NRCAM: variants seen among roughly 807,000 people sequenced by gnomAD.
The protein encoded by NRCAM is NgCAM-related cell adhesion molecule.
NRCAM carries 83 observed loss-of-function variants against 156.5 expected under a neutral mutation model. That is an observed-to-expected ratio of 0.53 (90% confidence interval 0.44 to 0.64). NRCAM has a LOEUF of 0.64. Among genes scored for constraint, NRCAM ranks in the 30% least tolerant of loss-of-function variants. NRCAM has a pLI of 0.00. For missense variants in NRCAM, 1,417 were observed against 1,597.3 expected (o/e 0.89, Z 1.92); for synonymous variants, 538 against 563.9 (o/e 0.95, Z 0.65).
intron 30 of NRCAM, among the ~76,000 whole-genome samples, chr7:108,163,572 G>C (rs17134752): frequency 0.12 from 18,899 of 152,184 alleles, 1,747 homozygotes; most frequent in African/African-American, 0.27. Flanking sequence ...CAAAAAAGCT[G>C]TTGGGCCTCG....
chr7:108,339,417 AG>A (rs1034034212), intron 2 of NRCAM, among the ~76,000 whole-genome samples: 30 of 152,182 alleles, frequency 2.0e-4, no homozygotes, highest in Admixed American at 3.3e-4. Flanking sequence ...CTGACTCAAA[AG>A]GTTACCTACA....
intron 11 of NRCAM, among the ~76,000 whole-genome samples, chr7:108,217,797 T>C (rs1273830574): frequency 6.6e-6 from 1 of 152,192 alleles, no homozygotes; most frequent in Non-Finnish European, 1.5e-5. Flanking sequence ...CCAGGTCGAC[T>C]TCAGACTGCA....
intron 8 of NRCAM, among the ~76,000 whole-genome samples, chr7:108,229,608 C>T (rs1589217174): frequency 6.6e-6 from 1 of 152,180 alleles, no homozygotes; most frequent in Non-Finnish European, 1.5e-5. Context: ...CCCAGATCCT[C>T]TCATCTAGCC....
At chr7:108,417,044 T>C (rs529487301) in intron 1 of NRCAM, among the ~76,000 whole-genome samples, 1 of 152,244 alleles carries the variant, frequency 6.6e-6, no homozygotes, top group Admixed American at 6.5e-5. Context: ...TGACCATTTA[T>C]TTCAATGTTT....
chr7:108,448,033 G>A (rs370379104), intron 1 of NRCAM, among the ~76,000 whole-genome samples: 1 of 152,116 alleles, frequency 6.6e-6, no homozygotes, highest in Non-Finnish European at 1.5e-5. Flanking sequence ...ATGGTTTTAG[G>A]ACAGCAGTGA....
At chr7:108,398,488 T>C (rs1405422657) in intron 2 of NRCAM, among the ~76,000 whole-genome samples, 4 of 152,200 alleles carry the variant, frequency 2.6e-5, no homozygotes, top group Non-Finnish European at 5.9e-5. Context: ...AAAATGCCAA[T>C]GACTTCCAGC....
At chr7:108,193,058 T>C (rs753545991) in intron 17 of NRCAM, among the ~76,000 whole-genome samples, 5 of 152,222 alleles carry the variant, frequency 3.3e-5, no homozygotes, top group African/African-American at 4.8e-5. Context: ...GGTCTCACTC[T>C]GTCACCCAGG....
chr7:108,318,399 AG>A, intron 2 of NRCAM, among the ~76,000 whole-genome samples: 1 of 152,276 alleles, frequency 6.6e-6, no homozygotes, highest in South Asian at 2.1e-4. Context: ...ATGTGGTCCC[AG>A]GCTACACAAT....
At chr7:108,386,416 G>A (rs1381448826) in intron 2 of NRCAM, among the ~76,000 whole-genome samples, 1 of 152,068 alleles carries the variant, frequency 6.6e-6, no homozygotes, top group Admixed American at 6.6e-5. Context: ...GCAATTAATT[G>A]ATTGGAAATA....
At chr7:108,365,904 G>A (rs929152701) in intron 2 of NRCAM, among the ~76,000 whole-genome samples, 2 of 152,152 alleles carry the variant, frequency 1.3e-5, no homozygotes, top group African/African-American at 2.4e-5. Context: ...GCTGTGGTCT[G>A]AATGCATCTC....
At chr7:108,350,453 T>G (rs2099403813) in intron 2 of NRCAM, among the ~76,000 whole-genome samples, 2 of 152,220 alleles carry the variant, frequency 1.3e-5, no homozygotes, top group Non-Finnish European at 2.9e-5. Flanking sequence ...TGAGTTGATG[T>G]CTCAGTCAAT....
At chr7:108,351,891 C>T (rs1164561681) in intron 2 of NRCAM, among the ~76,000 whole-genome samples, 2 of 152,038 alleles carry the variant, frequency 1.3e-5, no homozygotes, top group Non-Finnish European at 2.9e-5. Flanking sequence ...GTTGTTTGTA[C>T]AGACCCATTA....
chr7:108,215,162 G>A (rs573593818), intron 11 of NRCAM, among the ~76,000 whole-genome samples: 2 of 151,212 alleles, frequency 1.3e-5, no homozygotes, highest in South Asian at 4.2e-4. Context: ...TTAATTTTCT[G>A]TCTCACTGAT....
At chr7:108,203,428 C>A (rs1026704946) in intron 13 of NRCAM, among the ~76,000 whole-genome samples, 1 of 137,386 alleles carries the variant, frequency 7.3e-6, no homozygotes, top group Non-Finnish European at 1.5e-5. Flanking sequence ...AGCCCAGACA[C>A]TTTTGGAGTT....
Position 108,223,738 on chromosome 7 carries a change from T to C in NRCAM, c.877A>G (p.Ile293Val), listed in dbSNP as rs202128510. Residue 293 changes from isoleucine (I) to valine (V), a missense_variant, in exon 11 of 33, where the codon ATT becomes GTT. By Grantham distance (29) the Ile-to-Val change is conservative. Coordinates refer to ENST00000379028, the MANE Select transcript of NRCAM (RefSeq NM_001037132.4). ...GTGTTAACTCACAGTCCTTCTGCAA[T>C]GCACTCCAGTGAAAGCACATTTCCT... The part of the protein sequence containing the change: ...LRGNVLSLEC[I>V]AEGLPTPIIY... The C allele has an allele frequency of 3.2e-6, 5 of 1,557,014 alleles. No homozygotes were observed. In the East Asian group the frequency reaches 6.7e-5, roughly 21 times the overall value.
In NRCAM at chr7:108,339,402, C is replaced by G. The variant is rs952241923; in HGVS notation, c.-173-26671G>C. ...ACTTCTAGAATCAAAAAGATTATCT[C>G]AATCCTGACTCAAAAGGTTACCTAC... On this transcript the variant is annotated intron_variant, in intron 2 of 32. Transcript: ENST00000379028. 3.9e-5 allele frequency among the ~76,000 whole-genome samples: 6 copies of G among 152,322 alleles called. No homozygotes were observed. The East Asian group carries it at 5.8e-4, about 15-fold the overall frequency.
intron 1 of NRCAM, among the ~76,000 whole-genome samples, chr7:108,447,266 T>C (rs1598415656): frequency 8.1e-6 from 1 of 123,052 alleles, no homozygotes; most frequent in South Asian, 2.6e-4. Context: ...TTTCTTTTTT[T>C]TTTTTTTTTT....
At chr7:108,313,790 T>G (rs2098838737) in intron 2 of NRCAM, among the ~76,000 whole-genome samples, 1 of 152,160 alleles carries the variant, frequency 6.6e-6, no homozygotes. Context: ...AGTAATATTG[T>G]TTTCACTTTT....
chr7:108,324,272 G>T (rs1279548387), intron 2 of NRCAM, among the ~76,000 whole-genome samples: 1 of 152,106 alleles, frequency 6.6e-6, no homozygotes, highest in African/African-American at 2.4e-5. Flanking sequence ...TGATCCTGGG[G>T]GTGCCACATG....
Sources: gnomAD v4.1 joint callset for allele counts (sites outside exome capture counted in the v4.1 genomes callset) on GRCh38, gnomAD v4.1.1 for gene constraint, MANE v1.5 for transcripts, NCBI Gene and HGNC (gene_info 2026-07-23, HGNC 2026-07-21) for gene names.